CDK14: variants seen among roughly 807,000 people sequenced by gnomAD.
The protein encoded by CDK14 is cyclin dependent kinase 14.
In CDK14, 34 loss-of-function variants were observed where a neutral mutation model predicts 60.7. The ratio of observed to expected loss-of-function variants is 0.56; its 90% CI spans 0.43 to 0.75. CDK14 has a LOEUF of 0.75. CDK14 is among the 30% of genes least tolerant of loss of function. The probability of loss-of-function intolerance (pLI) is 0.00; values close to 1 mark genes in which losing one functional copy is unlikely to be tolerated. For synonymous variants in CDK14, 197 were observed against 203.7 expected (o/e 0.97, Z 0.28); for missense variants, 482 against 564.1 (o/e 0.85, Z 1.47).
intron 2 of CDK14, chr7:90,709,614 A>G (rs1328921124): frequency 5.0e-6 from 8 of 1,611,064 alleles, no homozygotes; most frequent in Non-Finnish European, 6.8e-6. Flanking sequence ...TCCACAGGCA[A>G]GTCCATCGTG....
At chr7:91,170,440 G>A (rs2115796690) in intron 14 of CDK14, among the ~76,000 whole-genome samples, 1 of 152,236 alleles carries the variant, frequency 6.6e-6, no homozygotes, top group African/African-American at 2.4e-5. Flanking sequence ...ATAAATCAAT[G>A]TGGGTGTGTG....
intron 2 of CDK14, among the ~76,000 whole-genome samples, chr7:90,623,461 C>T (rs1353142360): frequency 6.6e-6 from 1 of 151,850 alleles, no homozygotes; most frequent in Non-Finnish European, 1.5e-5. Flanking sequence ...GGGATACTGG[C>T]ATGGCAATAG....
intron 14 of CDK14, among the ~76,000 whole-genome samples, chr7:91,163,370 G>A (rs769544407): frequency 1.3e-5 from 2 of 152,174 alleles, no homozygotes. Context: ...AGCTGCTGAC[G>A]GTGTTGCAAT....
chr7:90,634,452 G>A (rs1259796874), intron 2 of CDK14, among the ~76,000 whole-genome samples: 2 of 151,600 alleles, frequency 1.3e-5, no homozygotes, highest in Non-Finnish European at 1.5e-5. Context: ...TCCCTACAAA[G>A]GACATGAACT....
rs572536059 is a variant in CDK14, at chr7:91,167,628, T to G, written c.*29-39537T>G. Among the ~76,000 whole-genome samples the G allele has an allele frequency of 2.0e-3, 309 of 152,316 alleles. 3 individuals are homozygous for G. Among genetic ancestry groups the G allele is most frequent in the Non-Finnish European group, 5.1e-4 (35 of 68,032 alleles). ...AGCTCTCAACCTGGTATCTTCATTT[T>G]GGATCCCAAATGATCCAAGTGGACA... is the stretch of plus-strand genomic sequence containing the variant. On this transcript the variant is annotated intron_variant, in intron 14 of 14. Transcript: ENST00000380050.
intron 6 of CDK14, among the ~76,000 whole-genome samples, chr7:90,882,520 A>G (rs1042920808): frequency 1.3e-5 from 2 of 152,188 alleles, no homozygotes; most frequent in Non-Finnish European, 2.9e-5. Context: ...CCCATTGTCA[A>G]TATGAGACAG....
At chr7:90,641,376 A>G (rs1254661346) in intron 2 of CDK14, among the ~76,000 whole-genome samples, 2 of 152,188 alleles carry the variant, frequency 1.3e-5, no homozygotes, top group African/African-American at 4.8e-5. Flanking sequence ...GAACAATCCC[A>G]ATGTCCATCA....
chr7:90,657,756 A>G (rs763256195), intron 2 of CDK14, among the ~76,000 whole-genome samples: 4 of 152,180 alleles, frequency 2.6e-5, no homozygotes, highest in Non-Finnish European at 4.4e-5. Flanking sequence ...CCAACTTAAC[A>G]ACGACAGCAA....
intron 14 of CDK14, among the ~76,000 whole-genome samples, chr7:91,151,524 AC>A (rs1179054036): frequency 6.6e-6 from 1 of 152,050 alleles, no homozygotes; most frequent in East Asian, 1.9e-4. Context: ...TTAAAACCAT[AC>A]CTTTTTTATT....
At chr7:90,864,521 A>G (rs1791111685) in intron 6 of CDK14, among the ~76,000 whole-genome samples, 1 of 152,162 alleles carries the variant, frequency 6.6e-6, no homozygotes, top group South Asian at 2.1e-4. Flanking sequence ...TTTTGTAGAA[A>G]AGAGATTTCA....
At chr7:91,112,122 G>A (rs1799482455) in intron 12 of CDK14, among the ~76,000 whole-genome samples, 1 of 152,048 alleles carries the variant, frequency 6.6e-6, no homozygotes, top group Admixed American at 6.5e-5. Flanking sequence ...TTTAGTAACT[G>A]GAGAATTTAA....
At position 90,838,128 on chromosome 7, in the gene CDK14, A is replaced by C. The variant is rs1790173730; in HGVS notation, c.545-25047A>C. On this transcript the variant is annotated intron_variant, in intron 5 of 14. Transcript: ENST00000380050. ...CTGCGGCAGAAGAACATAAATTGTGAAGATTTCATGAACATTTATTAGTTC... is the reference window on the plus strand; with the variant it reads ...CTGCGGCAGAAGAACATAAATTGTGCAGATTTCATGAACATTTATTAGTTC... 2.6e-5 allele frequency among the ~76,000 whole-genome samples: 4 copies of C among 152,298 alleles called. No individual in the cohort carries two copies. In the South Asian group the frequency reaches 8.3e-4, roughly 32 times the overall value.
intron 2 of CDK14, among the ~76,000 whole-genome samples, chr7:90,620,035 T>C (rs1228757582): frequency 6.6e-6 from 1 of 151,728 alleles, no homozygotes; most frequent in African/African-American, 2.4e-5. Context: ...TATGACTCTT[T>C]ATTCATGATC....
chr7:90,673,619 T>G (rs769000374), intron 2 of CDK14, among the ~76,000 whole-genome samples: 1 of 152,224 alleles, frequency 6.6e-6, no homozygotes, highest in Non-Finnish European at 1.5e-5. Context: ...TGGTGCTTGT[T>G]AACAGTATTT....
At chr7:90,604,296 C>A in intron 2 of CDK14, 47 bp downstream of exon 2, 2 of 1,217,668 alleles carry the variant, frequency 1.6e-6, no homozygotes, top group Non-Finnish European at 2.3e-6. Flanking sequence ...TAATGACTAC[C>A]AGGTAAAGTC....
chr7:90,957,718 G>A (rs1794472501), intron 9 of CDK14, among the ~76,000 whole-genome samples: 1 of 152,092 alleles, frequency 6.6e-6, no homozygotes, highest in Non-Finnish European at 1.5e-5. Context: ...CAAACAAACG[G>A]AAGAACATTC....
intron 2 of CDK14, among the ~76,000 whole-genome samples, chr7:90,624,801 G>C (rs1371278803): frequency 1.3e-5 from 2 of 152,152 alleles, no homozygotes; most frequent in Admixed American, 6.5e-5. Flanking sequence ...TGCGAGTGAA[G>C]GCTGTGAGGC....
intron 8 of CDK14, among the ~76,000 whole-genome samples, chr7:90,923,526 C>G (rs918005558): frequency 2.0e-5 from 3 of 152,150 alleles, no homozygotes; most frequent in African/African-American, 7.2e-5. Context: ...TCTCTCTGTT[C>G]AGTCACCATA....
chr7:91,067,092 A>G (rs1253822750), intron 11 of CDK14, among the ~76,000 whole-genome samples: 1 of 152,202 alleles, frequency 6.6e-6, no homozygotes, highest in Non-Finnish European at 1.5e-5. Flanking sequence ...ATATGCAAAT[A>G]CTCAAATACT....
Sources: allele counts gnomAD v4.1 joint callset (sites outside exome capture counted in the v4.1 genomes callset), GRCh38; gene constraint gnomAD v4.1.1; transcripts MANE v1.5; gene names NCBI Gene and HGNC (gene_info 2026-07-23, HGNC 2026-07-21).